The following REDIC1 variants were observed in gnomAD, a reference collection of about 807,000 sequenced individuals.
The protein encoded by REDIC1 is regulator of DNA class I crossover intermediates 1.
the REDIC1 span, among the ~76,000 whole-genome samples, chr12:39,874,564 A>G: frequency 1.3e-5 from 2 of 151,038 alleles, no homozygotes; most frequent in African/African-American, 2.4e-5. Flanking sequence ...GCAGTGAGCC[A>G]AGATCACACC....
the REDIC1 span, among the ~76,000 whole-genome samples, chr12:39,878,986 C>G: frequency 6.6e-6 from 1 of 152,254 alleles, no homozygotes; most frequent in African/African-American, 2.4e-5. Context: ...CTGCTCCCCA[C>G]ATACTGGCCT....
chr12:39,892,296 C>T, the REDIC1 span, among the ~76,000 whole-genome samples: 1 of 152,150 alleles, frequency 6.6e-6, no homozygotes, highest in African/African-American at 2.4e-5. Context: ...ACCCTTTCAG[C>T]TTGTTTGGGT....
At chr12:39,702,592 G>A in the REDIC1 span, among the ~76,000 whole-genome samples, 2 of 152,174 alleles carry the variant, frequency 1.3e-5, no homozygotes, top group East Asian at 3.9e-4. Flanking sequence ...TATGAGGCCA[G>A]CATCATCCTG....
the REDIC1 span, among the ~76,000 whole-genome samples, chr12:39,807,259 T>C: frequency 6.6e-6 from 1 of 152,136 alleles, no homozygotes; most frequent in South Asian, 2.1e-4. Context: ...GGGATCCCTG[T>C]GGTAACAGAA....
chr12:39,883,109 T>C, the REDIC1 span, among the ~76,000 whole-genome samples: 3 of 152,328 alleles, frequency 2.0e-5, no homozygotes, highest in African/African-American at 7.2e-5. Flanking sequence ...TTTTAAAGTA[T>C]ATAATTCAGT....
chr12:39,808,589 A>G, the REDIC1 span, among the ~76,000 whole-genome samples: 2 of 147,306 alleles, frequency 1.4e-5, no homozygotes, highest in Non-Finnish European at 3.0e-5. Context: ...CCTCACCAAC[A>G]CTTGATATTT....
the REDIC1 span, among the ~76,000 whole-genome samples, chr12:39,746,923 T>G: frequency 6.6e-6 from 1 of 152,056 alleles, no homozygotes; most frequent in Non-Finnish European, 1.5e-5. Context: ...AAAACTTATC[T>G]GTACATCACC....
chr12:39,669,444 G>A, the REDIC1 span, among the ~76,000 whole-genome samples: 1 of 152,198 alleles, frequency 6.6e-6, no homozygotes, highest in Non-Finnish European at 1.5e-5. Context: ...CCGGCCCTGT[G>A]TGGTGTCAGT....
chr12:39,692,430 G>A, the REDIC1 span, among the ~76,000 whole-genome samples: 24 of 151,722 alleles, frequency 1.6e-4, no homozygotes, highest in Non-Finnish European at 3.1e-4. Flanking sequence ...CCCTCTAGAG[G>A]TAACTATTTC....
At chr12:39,790,617 G>C in the REDIC1 span, among the ~76,000 whole-genome samples, 698 of 134,422 alleles carry the variant, frequency 5.2e-3, 6 homozygotes, top group African/African-American at 0.017. Flanking sequence ...TCCAGTCTAT[G>C]ATTGTTGGAC....
the REDIC1 span, chr12:39,682,532 C>T: frequency 6.3e-6 from 7 of 1,103,722 alleles, no homozygotes; most frequent in Admixed American, 5.4e-5. Flanking sequence ...AATATGTCCT[C>T]TAAGAATTGA....
the REDIC1 span, among the ~76,000 whole-genome samples, chr12:39,775,663 T>C: frequency 7.9e-5 from 12 of 152,308 alleles, no homozygotes; most frequent in Admixed American, 2.0e-4. Context: ...TGTCACAAAG[T>C]TGGAGTGGGT....
the REDIC1 span, among the ~76,000 whole-genome samples, chr12:39,744,175 G>C: frequency 2.0e-5 from 3 of 152,180 alleles, no homozygotes; most frequent in African/African-American, 4.8e-5. Context: ...CATGAAAAGA[G>C]TGGGGTGAAA....
At chr12:39,716,604 G>A in the REDIC1 span, 2 of 536,708 alleles carry the variant, frequency 3.7e-6, no homozygotes, top group East Asian at 3.8e-5. Flanking sequence ...AAGGTGCCAA[G>A]TATCCACAAT....
At chr12:39,907,218 A>T in the REDIC1 span, among the ~76,000 whole-genome samples, 2 of 152,136 alleles carry the variant, frequency 1.3e-5, no homozygotes. Context: ...ACAAGTAGAG[A>T]TTTGTATTTA....
the REDIC1 span, among the ~76,000 whole-genome samples, chr12:39,714,431 A>C: frequency 6.6e-6 from 1 of 151,490 alleles, no homozygotes; most frequent in East Asian, 1.9e-4. Flanking sequence ...ATACACACAC[A>C]TATTGTGTCT....
the REDIC1 span, among the ~76,000 whole-genome samples, chr12:39,882,442 C>G: frequency 6.6e-6 from 1 of 152,224 alleles, no homozygotes; most frequent in Admixed American, 6.5e-5. Flanking sequence ...AATTCCAACT[C>G]TACCTATATC....
chr12:39,697,345 T>G, the REDIC1 span, among the ~76,000 whole-genome samples: 232 of 152,288 alleles, frequency 1.5e-3, 4 homozygotes, highest in Admixed American at 0.014. Flanking sequence ...CCAGACCTGT[T>G]CTGCAAGAAA....
chr12:39,684,458 G>A, the REDIC1 span: 1 of 206,912 alleles, frequency 4.8e-6, no homozygotes, highest in Non-Finnish European at 8.5e-6. Context: ...TGCAATTTTA[G>A]TGGGATTGGC....
Sources: allele counts gnomAD v4.1 joint callset (sites outside exome capture counted in the v4.1 genomes callset), GRCh38; gene constraint gnomAD v4.1.1; transcripts MANE v1.5; gene names NCBI Gene and HGNC (gene_info 2026-07-23, HGNC 2026-07-21).